PAH: variants seen among roughly 807,000 people sequenced by gnomAD.
PAH encodes phenylalanine-4-hydroxylase.
PAH carries 64 observed loss-of-function variants against 62.0 expected under a neutral mutation model. That is an observed-to-expected ratio of 1.03 (90% CI 0.84 to 1.27). The LOEUF is 1.27. Ranked by LOEUF, PAH falls within the 50% of genes most tolerant of loss-of-function variation. The pLI, the probability that PAH is intolerant of heterozygous loss-of-function variation, is 0.00. For missense variants in PAH, 579 were observed against 542.8 expected (o/e 1.07, Z -0.66); for synonymous variants, 195 against 196.2 (o/e 0.99, Z 0.05).
intron 1 of PAH, among the ~76,000 whole-genome samples, chr12:102,944,782 G>A (rs1294439281): frequency 2.0e-5 from 3 of 152,094 alleles, no homozygotes; most frequent in Admixed American, 2.0e-4. Context: ...TGGTGAGGTC[G>A]TGTTTTTCTA....
rs1874466203 is a variant in PAH at position 102,838,801 on chromosome 12, T to G, written c.*374A>C. 1 of 212,210 alleles carries G rather than the reference T, an allele frequency of 4.7e-6. No individual in the cohort carries two copies. The highest frequency in any genetic ancestry group is 2.3e-5 in the African/African-American group (1 of 43,278). The allele number at this position is 212,210 out of a possible 1,614,324, so 13.1% of individuals were successfully genotyped here. On this transcript the variant is annotated 3_prime_UTR_variant, in exon 13 of 13. Transcript: ENST00000553106. Reference sequence around the variant, plus strand: ...ATTCAATTCTAATGACAGTCTTGTGTTTTACATTTAGCCTTATATGCTCCT... The same window carrying G: ...ATTCAATTCTAATGACAGTCTTGTGGTTTACATTTAGCCTTATATGCTCCT...
intron 5 of PAH, among the ~76,000 whole-genome samples, chr12:102,863,637 G>A (rs953792957): frequency 6.6e-6 from 1 of 152,146 alleles, no homozygotes. Context: ...GCCTAGAGGT[G>A]CTAGATTCCC....
At chr12:102,888,415 G>A (rs1471738698) in intron 3 of PAH, among the ~76,000 whole-genome samples, 2 of 151,710 alleles carry the variant, frequency 1.3e-5, no homozygotes, top group Non-Finnish European at 2.9e-5. Flanking sequence ...GCTTAAATGA[G>A]ATAACCTAAT....
chr12:102,893,574 A>G (rs1215433595), intron 3 of PAH, among the ~76,000 whole-genome samples: 5 of 152,176 alleles, frequency 3.3e-5, no homozygotes, highest in Admixed American at 6.5e-5. Context: ...ACAGTGCACC[A>G]GGCACTGTTC....
chr12:102,918,206 A>G (rs17546516), upstream of PAH, among the ~76,000 whole-genome samples: 16,576 of 152,246 alleles, frequency 0.11, 1,068 homozygotes, highest in East Asian at 0.16. Flanking sequence ...CATTAACCAC[A>G]CTTTTAGAGA....
rs999641303 is a variant in PAH at position 102,837,853 on chromosome 12, T to C, written c.*1322A>G. The C allele has an allele frequency of 6.6e-6, 1 of 152,144 alleles. No homozygotes were observed. Among genetic ancestry groups the C allele is most frequent in the African/African-American group, 2.4e-5 (1 of 41,436 alleles). The allele number at this position is 152,144 out of a possible 1,614,324, so 9.4% of individuals were successfully genotyped here. A position where few individuals can be genotyped will look rare whatever the true frequency, so the allele number is the denominator to read the frequency against. On this transcript the variant is annotated 3_prime_UTR_variant, in exon 13 of 13. Coordinates refer to ENST00000553106, the MANE Select transcript of PAH (RefSeq NM_000277.3). ...GAATGTACCTGATAGAATTTGGCTA[T>C]GAATAATTAAAAAAATGGGGTACTT...
chr12:102,947,016 G>T (rs1388987548), intron 1 of PAH, among the ~76,000 whole-genome samples: 1 of 152,172 alleles, frequency 6.6e-6, no homozygotes, highest in African/African-American at 2.4e-5. Context: ...TGAAGAAAAA[G>T]TATTTGAGGG....
chr12:102,844,370 C>T lies in PAH; in HGVS notation c.1031G>A (p.Gly344Asp), dbSNP rs62508582. Residue 344 changes from glycine (G) to aspartate (D), a missense_variant, in exon 10 of 13, where the codon GGT (glycine) becomes GAT (aspartate). Physicochemically the swap from Gly to Asp is moderately conservative, Grantham distance 94. Coordinates refer to ENST00000553106, the MANE Select transcript of PAH (RefSeq NM_000277.3). ...CKQGDSIKAYGAGLLSSFGEL... is the reference protein window; with the variant it reads ...CKQGDSIKAYDAGLLSSFGEL... ...ACCAAAGGATGACAGGAGCCCAGCA[C>T]CATATGCCTTTATGGAGTCTCCTTG... 2 of 1,613,804 alleles carry T rather than the reference C, an allele frequency of 1.2e-6. No individual in the cohort carries two copies. The highest frequency in any genetic ancestry group is 1.7e-6 in the Non-Finnish European group (2 of 1,179,720).
At chr12:102,848,302 A>G (rs76392907) in intron 8 of PAH, among the ~76,000 whole-genome samples, 40 of 141,574 alleles carry the variant, frequency 2.8e-4, no homozygotes, top group African/African-American at 1.2e-3. Flanking sequence ...AAGTGTAGAC[A>G]GGACACCAGG....
chr12:102,934,065 A>G (rs1351788578), intron 1 of PAH, among the ~76,000 whole-genome samples: 3 of 151,982 alleles, frequency 2.0e-5, no homozygotes, highest in Non-Finnish European at 2.9e-5. Context: ...CAGTATTTTC[A>G]TAGTTTTAGG....
rs1453928290 is a variant in PAH, at chr12:102,837,471, A to G, written c.*1704T>C. 6.6e-6 allele frequency: 1 copy of G among 152,236 alleles called. No individual in the cohort carries two copies. Among genetic ancestry groups the G allele is most frequent in the Admixed American group, 6.5e-5 (1 of 15,288 alleles). The allele number at this position is 152,236 out of a possible 1,614,324, so 9.4% of individuals were successfully genotyped here. A position where few individuals can be genotyped will look rare whatever the true frequency, so the allele number is the denominator to read the frequency against. ...TGTTTAGAGTAAAAGCAGAGAAAAA[A>G]GTCCTTTTTCACTTTTAAAATCAGT... On this transcript the variant is annotated 3_prime_UTR_variant, in exon 13 of 13. Transcript: ENST00000553106.
intron 3 of PAH, among the ~76,000 whole-genome samples, chr12:102,884,459 G>A (rs939964266): frequency 2.0e-5 from 3 of 152,212 alleles, no homozygotes; most frequent in Admixed American, 1.3e-4. Flanking sequence ...TGGGTTTGAA[G>A]CCAGCAGGTC....
At chr12:102,942,031 T>G (rs1413261047) in intron 1 of PAH, among the ~76,000 whole-genome samples, 3 of 152,110 alleles carry the variant, frequency 2.0e-5, no homozygotes, top group Non-Finnish European at 4.4e-5. Context: ...ATGCCTACTC[T>G]CACCACTCCT....
chr12:102,900,543 A>G (rs1877713697), intron 2 of PAH, among the ~76,000 whole-genome samples: 1 of 152,172 alleles, frequency 6.6e-6, no homozygotes, highest in South Asian at 2.1e-4. Context: ...AAAGTCTTAT[A>G]TGAGTGAAGT....
At chr12:102,938,118 G>C (rs986474603) in intron 1 of PAH, among the ~76,000 whole-genome samples, 2 of 152,204 alleles carry the variant, frequency 1.3e-5, no homozygotes, top group Non-Finnish European at 2.9e-5. Context: ...ATTCAGCAAG[G>C]AAGCAACAGT....
intron 5 of PAH, among the ~76,000 whole-genome samples, chr12:102,863,029 T>C (rs1169562081): frequency 2.0e-5 from 3 of 152,086 alleles, no homozygotes; most frequent in Non-Finnish European, 4.4e-5. Context: ...AAACAGACTT[T>C]GGAAACAGAC....
intron 6 of PAH, 64 bp from the exon 7 acceptor site, chr12:102,853,014 C>T: frequency 6.3e-7 from 1 of 1,580,200 alleles, no homozygotes; most frequent in Non-Finnish European, 8.7e-7. Context: ...CACTAGGAGA[C>T]CTTTAGGTAG....
At chr12:102,846,686 G>T (rs112352799) in intron 9 of PAH, among the ~76,000 whole-genome samples, 1 of 152,212 alleles carries the variant, frequency 6.6e-6, no homozygotes, top group African/African-American at 2.4e-5. Flanking sequence ...TTTAAGAGAT[G>T]TAAACATCTG....
intron 9 of PAH, among the ~76,000 whole-genome samples, chr12:102,844,837 C>T (rs1253588552): frequency 6.6e-6 from 1 of 152,158 alleles, no homozygotes; most frequent in East Asian, 1.9e-4. Context: ...AGAGCTATAC[C>T]ATCAACTTCC....
Sources: gnomAD v4.1 joint callset for allele counts (sites outside exome capture counted in the v4.1 genomes callset) on GRCh38, gnomAD v4.1.1 for gene constraint, MANE v1.5 for transcripts, NCBI Gene and HGNC (gene_info 2026-07-23, HGNC 2026-07-21) for gene names.